The following TENM2 variants were observed in gnomAD, a reference collection of about 807,000 sequenced individuals.
TENM2 encodes teneurin-2.
A neutral mutation model predicts 245.2 loss-of-function variants in TENM2; 52 were observed. That is an observed-to-expected ratio of 0.21 (90% CI 0.17 to 0.27). The LOEUF is 0.27. Among genes scored for constraint, TENM2 ranks in the 10% least tolerant of loss-of-function variants. The pLI, the probability that TENM2 is intolerant of heterozygous loss-of-function variation, is 1.00. For synonymous variants in TENM2, 1,363 were observed against 1,438.9 expected (o/e 0.95, Z 1.19); for missense variants, 3,046 against 3,666.8 (o/e 0.83, Z 4.37).
chr5:167,408,570 C>T (rs1240984966), intron 2 of TENM2, among the ~76,000 whole-genome samples: 2 of 151,918 alleles, frequency 1.3e-5, no homozygotes, highest in African/African-American at 2.4e-5. Flanking sequence ...TACTTTACTG[C>T]GGTCTTTATG....
At chr5:167,356,422 C>T (rs939930186) in intron 1 of TENM2, among the ~76,000 whole-genome samples, 2 of 151,914 alleles carry the variant, frequency 1.3e-5, no homozygotes, top group Non-Finnish European at 1.5e-5. Flanking sequence ...GATAAACCTC[C>T]TCTCGGAATG....
At chr5:167,067,872 G>T in the TENM2 span, among the ~76,000 whole-genome samples, 1 of 152,152 alleles carries the variant, frequency 6.6e-6, no homozygotes, top group African/African-American at 2.4e-5. Flanking sequence ...CTAGCTTGAG[G>T]ATATCAATGA....
chr5:167,036,049 T>C, the TENM2 span, among the ~76,000 whole-genome samples: 1 of 152,144 alleles, frequency 6.6e-6, no homozygotes, highest in African/African-American at 2.4e-5. Flanking sequence ...GGCCAGATAA[T>C]AGGATAGTGG....
chr5:167,676,532 T>A (rs1200933697), intron 2 of TENM2, among the ~76,000 whole-genome samples: 1 of 152,094 alleles, frequency 6.6e-6, no homozygotes, highest in African/African-American at 2.4e-5. Context: ...ATGGCAAGTA[T>A]AAAGCTATCC....
chr5:168,222,089 C>T (rs1000566984), intron 23 of TENM2, among the ~76,000 whole-genome samples: 1 of 152,218 alleles, frequency 6.6e-6, no homozygotes, highest in African/African-American at 2.4e-5. Context: ...CCTCTGTCTC[C>T]TTCCTACCCC....
intron 4 of TENM2, among the ~76,000 whole-genome samples, chr5:167,991,430 C>G (rs1368834974): frequency 6.6e-6 from 1 of 152,214 alleles, no homozygotes; most frequent in Non-Finnish European, 1.5e-5. Flanking sequence ...ATTTACTTAA[C>G]TCCTGCCTTA....
the TENM2 span, among the ~76,000 whole-genome samples, chr5:167,161,840 C>G: frequency 6.6e-6 from 1 of 151,970 alleles, no homozygotes; most frequent in African/African-American, 2.4e-5. Flanking sequence ...GTCGTTCATA[C>G]CTCTCCAAAG....
At chr5:167,474,519 C>CTTTT (rs35361317) in intron 2 of TENM2, among the ~76,000 whole-genome samples, 2 of 147,552 alleles carry the variant, frequency 1.4e-5, no homozygotes, top group East Asian at 2.0e-4. Flanking sequence ...AATAAGTAGA[C>CTTTT]TTTTTTTTTT....
At chr5:167,857,243 T>C (rs2151252110) in intron 2 of TENM2, among the ~76,000 whole-genome samples, 1 of 152,344 alleles carries the variant, frequency 6.6e-6, no homozygotes, top group Non-Finnish European at 1.5e-5. Flanking sequence ...CTCTTTTTCG[T>C]AGCCAAATTC....
intron 3 of TENM2, among the ~76,000 whole-genome samples, chr5:167,882,751 A>G (rs77039414): frequency 6.6e-6 from 1 of 152,146 alleles, no homozygotes; most frequent in African/African-American, 2.4e-5. Context: ...CAGTGATCCA[A>G]TTACCTCCAC....
At chr5:167,416,332 A>G (rs1489496999) in intron 2 of TENM2, among the ~76,000 whole-genome samples, 1 of 152,150 alleles carries the variant, frequency 6.6e-6, no homozygotes, top group Non-Finnish European at 1.5e-5. Flanking sequence ...TGGTATCACA[A>G]TTTCCCTTGT....
intron 5 of TENM2, among the ~76,000 whole-genome samples, chr5:168,022,615 G>T (rs1167035646): frequency 6.6e-6 from 1 of 152,218 alleles, no homozygotes; most frequent in Non-Finnish European, 1.5e-5. Context: ...AGTGTTGCAG[G>T]ATTAGAATAA....
chr5:167,635,430 A>AG (rs1327134744), intron 2 of TENM2, among the ~76,000 whole-genome samples: 24 of 151,350 alleles, frequency 1.6e-4, no homozygotes, highest in Admixed American at 1.2e-3. Flanking sequence ...AATGTTTTCC[A>AG]GGGGTGTATC....
At chr5:167,469,731 AT>A (rs34688844) in intron 2 of TENM2, among the ~76,000 whole-genome samples, 13 of 150,948 alleles carry the variant, frequency 8.6e-5, no homozygotes, top group East Asian at 1.9e-4. Context: ...GAAATCCTAG[AT>A]TTTTTTTTCA....
intron 15 of TENM2, 118 bp downstream of exon 17, chr5:168,195,413 G>C (rs1353050328): frequency 3.3e-6 from 4 of 1,208,178 alleles, no homozygotes; most frequent in Non-Finnish European, 4.6e-6. Flanking sequence ...TGTCCACCAG[G>C]CCTGTCCCCT....
At chr5:167,767,350 G>T (rs956913275) in intron 2 of TENM2, among the ~76,000 whole-genome samples, 3 of 152,196 alleles carry the variant, frequency 2.0e-5, no homozygotes, top group African/African-American at 4.8e-5. Context: ...AGAGTAGTCA[G>T]ATTCATTGAC....
At chr5:167,851,512 G>C (rs749064431) in intron 2 of TENM2, among the ~76,000 whole-genome samples, 2 of 152,136 alleles carry the variant, frequency 1.3e-5, no homozygotes, top group Non-Finnish European at 2.9e-5. Context: ...TCATCTTCTT[G>C]TTTTAAGGTA....
chr5:167,317,642 G>A (rs1756451740), intron 1 of TENM2, among the ~76,000 whole-genome samples: 7 of 152,158 alleles, frequency 4.6e-5, no homozygotes, highest in Admixed American at 4.6e-4. Context: ...CAATATCACT[G>A]AATTAAGGTA....
chr5:168,125,337 T>C (rs1795772113), intron 11 of TENM2, among the ~76,000 whole-genome samples: 1 of 152,036 alleles, frequency 6.6e-6, no homozygotes, highest in Admixed American at 6.5e-5. Flanking sequence ...TCCCTAAAGG[T>C]ACCAGAAAAC....
Sources: gnomAD v4.1 joint callset for allele counts (sites outside exome capture counted in the v4.1 genomes callset) on GRCh38, gnomAD v4.1.1 for gene constraint, MANE v1.5 for transcripts, NCBI Gene and HGNC (gene_info 2026-07-23, HGNC 2026-07-21) for gene names.